Variants in ELMOD2 observed in about 807,000 individuals in gnomAD.
ELMOD2 encodes ELMO domain-containing protein 2.
A neutral mutation model predicts 41.0 loss-of-function variants in ELMOD2; 28 were observed. That is an observed-to-expected ratio of 0.68 (90% CI 0.51 to 0.94). The LOEUF (loss-of-function observed/expected upper bound fraction) is 0.94, where lower values mean the gene tolerates loss of function less well. Ranked by LOEUF, ELMOD2 falls within the 40% of genes least tolerant of loss-of-function variation. The pLI is 0.00. For missense variants in ELMOD2, 333 were observed against 343.1 expected, an observed-to-expected ratio of 0.97 and a Z score of 0.23; for synonymous variants, 106 against 107.2, an observed-to-expected ratio of 0.99 and a Z score of 0.07.
At chr4:140,527,678 C>A in intron 3 of ELMOD2, 184 bp downstream of exon 3, 1 of 531,130 alleles carries the variant, frequency 1.9e-6, no homozygotes, top group Non-Finnish European at 3.3e-6. Context: ...GTGTGTATTT[C>A]AAAGAAAATA....
At chr4:140,539,220 G>T (rs145065431) in intron 5 of ELMOD2, among the ~76,000 whole-genome samples, 1 of 152,224 alleles carries the variant, frequency 6.6e-6, no homozygotes, top group East Asian at 1.9e-4. Flanking sequence ...TTTCTGTTTT[G>T]CAAATTTTCG....
intron 1 of ELMOD2, 100 bp downstream of exon 1, chr4:140,524,380 G>C (rs976251507): frequency 6.4e-6 from 1 of 157,130 alleles, no homozygotes; most frequent in African/African-American, 2.4e-5. Context: ...GGGAACCCGG[G>C]GGCGCCTGGG....
intron 2 of ELMOD2, 23 bp from the exon 3 acceptor site, chr4:140,527,441 CTT>C (rs372089965): frequency 5.3e-3 from 6,735 of 1,263,314 alleles, no homozygotes; most frequent in Admixed American, 8.2e-3. Flanking sequence ...GTGATAACAT[CTT>C]TTTTTTTTTT....
chr4:140,546,979 T>C (rs1359175271), intron 8 of ELMOD2, among the ~76,000 whole-genome samples: 1 of 152,172 alleles, frequency 6.6e-6, no homozygotes, highest in Non-Finnish European at 1.5e-5. Flanking sequence ...CATATACCTA[T>C]GTACCTTTTA....
chr4:140,529,569 C>T (rs545640605), intron 3 of ELMOD2, among the ~76,000 whole-genome samples: 10 of 152,330 alleles, frequency 6.6e-5, no homozygotes, highest in African/African-American at 2.2e-4. Context: ...TGGTCCCCTT[C>T]ATTACTCTCT....
At chr4:140,534,283 A>G (rs898708108) in intron 3 of ELMOD2, among the ~76,000 whole-genome samples, 2 of 152,174 alleles carry the variant, frequency 1.3e-5, no homozygotes, top group African/African-American at 2.4e-5. Context: ...TAGAAACGTT[A>G]TGTTGAACAA....
chr4:140,543,535 T>C lies in ELMOD2; in HGVS notation c.685T>C (p.Tyr229His). The change falls in exon 8 of 9, where the codon TAT becomes CAT. Residue 229 changes from tyrosine to histidine, a missense_variant. Coordinates refer to ENST00000323570, the MANE Select transcript of ELMOD2 (RefSeq NM_153702.4). ...GAGTGAAGCTTTGAAGTTTCATCTC[T>C]ATAACCTTGTTCCTGGTATACCAAC... ...LKSEALKFHL[Y>H]NLVPGIPTME... The C allele has an allele frequency of 1.9e-6, 3 of 1,606,384 alleles. No individual in the cohort carries two copies. The highest frequency in any genetic ancestry group is 2.5e-6 in the Non-Finnish European group (3 of 1,177,812).
chr4:140,535,884 A>C, intron 4 of ELMOD2, 54 bp downstream of exon 4: 1 of 1,478,614 alleles, frequency 6.8e-7, no homozygotes. Flanking sequence ...CCTGTGAGGT[A>C]TCAATATCAC....
intron 1 of ELMOD2, 59 bp from the exon 2 acceptor site, chr4:140,525,361 T>TTA (rs1337017238): frequency 1.7e-5 from 26 of 1,529,172 alleles, no homozygotes; most frequent in South Asian, 7.5e-5. Context: ...ATAAACTTTT[T>TTA]AAATTTTAAA....
rs1431543794 is a variant in ELMOD2, at chr4:140,525,524, G to T, written c.96G>T (p.Gln32His). The T allele has an allele frequency of 6.2e-7, 1 of 1,613,896 alleles. No homozygotes were observed. Among genetic ancestry groups the T allele is most frequent in the Non-Finnish European group, 8.5e-7 (1 of 1,179,924 alleles). ...AGATGACTGGGAAGTGTGAATTGCA[G>T]CGAATATTTGATACCTATGTAGGTG... The part of the protein sequence containing the change: ...LRQMTGKCEL[Q>H]RIFDTYVGAQ... Residue 32 changes from glutamine (Q) to histidine (H), a missense_variant, in exon 2 of 9, where the codon CAG becomes CAT. Gln to His is a conservative substitution (Grantham distance 24). Coordinates refer to ENST00000323570, the MANE Select transcript of ELMOD2 (RefSeq NM_153702.4).
intron 8 of ELMOD2, among the ~76,000 whole-genome samples, chr4:140,546,969 C>T (rs185392042): frequency 6.6e-6 from 1 of 152,242 alleles, no homozygotes; most frequent in African/African-American, 2.4e-5. Flanking sequence ...TGCACATATG[C>T]ATATACCTAT....
intron 6 of ELMOD2, among the ~76,000 whole-genome samples, chr4:140,540,863 T>C (rs1735084335): frequency 6.6e-6 from 1 of 152,230 alleles, no homozygotes; most frequent in Non-Finnish European, 1.5e-5. Context: ...TAAAGAATTA[T>C]GTATGCTCCT....
At chr4:140,528,671 CCTT>C (rs1459972445) in intron 3 of ELMOD2, among the ~76,000 whole-genome samples, 6 of 152,078 alleles carry the variant, frequency 3.9e-5, no homozygotes, top group East Asian at 3.9e-4. Flanking sequence ...ATAAAATAGA[CCTT>C]CTTGAGAGTT....
intron 6 of ELMOD2, among the ~76,000 whole-genome samples, chr4:140,540,652 C>T (rs959027208): frequency 1.3e-5 from 2 of 150,872 alleles, no homozygotes; most frequent in Non-Finnish European, 2.9e-5. Context: ...GAGGCTGAGG[C>T]AGAAGGATTG....
chr4:140,525,270 A>G, intron 1 of ELMOD2, 150 bp from the exon 2 acceptor site: 2 of 788,106 alleles, frequency 2.5e-6, no homozygotes, highest in Admixed American at 3.0e-5. Flanking sequence ...TACACCTGCC[A>G]TTGTTTTTAA....
chr4:140,537,888 C>T (rs1231623795), intron 5 of ELMOD2, among the ~76,000 whole-genome samples: 1 of 151,508 alleles, frequency 6.6e-6, no homozygotes, highest in Admixed American at 6.6e-5. Context: ...GATTTTTCTC[C>T]TACTTTTTAT....
chr4:140,525,693 C>G (rs1734541831), intron 2 of ELMOD2, 123 bp downstream of exon 2: 20 of 1,060,334 alleles, frequency 1.9e-5, no homozygotes, highest in Non-Finnish European at 2.5e-5. Flanking sequence ...ATTTCATAAG[C>G]TCTGAAGTCC....
intron 8 of ELMOD2, 27 bp from the exon 9 acceptor site, chr4:140,550,202 TA>T: frequency 6.3e-7 from 1 of 1,587,202 alleles, no homozygotes; most frequent in Non-Finnish European, 8.6e-7. Flanking sequence ...CATTGAGGAT[TA>T]AATGTTTTGT....
intron 8 of ELMOD2, among the ~76,000 whole-genome samples, chr4:140,545,991 T>C (rs990692224): frequency 2.0e-5 from 3 of 152,050 alleles, no homozygotes; most frequent in Non-Finnish European, 2.9e-5. Context: ...ACTGGGTATA[T>C]ACCCAAAGGA....
Sources: allele counts gnomAD v4.1 joint callset (sites outside exome capture counted in the v4.1 genomes callset), GRCh38; gene constraint gnomAD v4.1.1; transcripts MANE v1.5; gene names NCBI Gene and HGNC (gene_info 2026-07-23, HGNC 2026-07-21).